PLCE1: variants seen among roughly 807,000 people sequenced by gnomAD.
The protein encoded by PLCE1 is phospholipase C epsilon 1.
Under a neutral mutation model 242.8 loss-of-function variants are expected in PLCE1, and 119 were observed. The observed-to-expected ratio is 0.49, with a 90% CI of 0.42 to 0.57. The LOEUF is 0.57. Among genes scored for constraint, PLCE1 ranks in the 20% least tolerant of loss-of-function variants. The pLI, the probability that PLCE1 is intolerant of heterozygous loss-of-function variation, is 0.00. For missense variants in PLCE1, 2,441 were observed against 2,788.8 expected (o/e 0.88, Z 2.81); for synonymous variants, 945 against 1,017.4 (o/e 0.93, Z 1.35).
chr10:94,014,717 G>A (rs2061244774), intron 1 of PLCE1, among the ~76,000 whole-genome samples: 3 of 152,226 alleles, frequency 2.0e-5, no homozygotes. Context: ...GCTCTGATGT[G>A]TAGGATCCTC....
At chr10:94,106,758 C>G (rs560285655) in intron 2 of PLCE1, among the ~76,000 whole-genome samples, 1 of 151,944 alleles carries the variant, frequency 6.6e-6, no homozygotes. Context: ...CCTTCTTAAC[C>G]GTTCCAGTCC....
At chr10:94,085,905 T>C (rs1043115662) in intron 2 of PLCE1, among the ~76,000 whole-genome samples, 1 of 152,200 alleles carries the variant, frequency 6.6e-6, no homozygotes, top group African/African-American at 2.4e-5. Context: ...TATGCAGATG[T>C]CTAGATGTGG....
At chr10:94,119,533 A>G (rs2046239395) in intron 2 of PLCE1, among the ~76,000 whole-genome samples, 1 of 152,196 alleles carries the variant, frequency 6.6e-6, no homozygotes, top group Non-Finnish European at 1.5e-5. Flanking sequence ...TATTTTGCAT[A>G]CACTGTTCCC....
rs1386100747 is a variant in PLCE1 at position 94,308,656 on chromosome 10, G to A, written c.5960G>A (p.Arg1987Lys). 1.2e-6 allele frequency: 2 copies of A among 1,612,852 alleles called. No individual in the cohort carries two copies. Among genetic ancestry groups the A allele is most frequent in the Non-Finnish European group, 1.7e-6 (2 of 1,178,960 alleles). The stretch of plus-strand genomic sequence containing the variant: ...TCTAGTTTATTCATTAACAGCAGAA[G>A]GATGGAAGAAAATTCCTCTGGCAAT... ...EISSLFINSRRMEENSSGNTM... is the reference protein window; with the variant it reads ...EISSLFINSRKMEENSSGNTM... Residue 1987 changes from arginine (R) to lysine (K), a missense_variant, in exon 27 of 33, where the codon AGG (arginine) becomes AAG (lysine). Transcript: ENST00000371380.
intron 13 of PLCE1, among the ~76,000 whole-genome samples, chr10:94,260,454 C>T (rs2051257062): frequency 6.6e-6 from 1 of 152,050 alleles, no homozygotes; most frequent in African/African-American, 2.4e-5. Flanking sequence ...AAAAACTTTC[C>T]TCTTTTATGC....
chr10:94,186,687 C>G (rs775555445), intron 4 of PLCE1, among the ~76,000 whole-genome samples: 3 of 152,230 alleles, frequency 2.0e-5, no homozygotes, highest in Non-Finnish European at 4.4e-5. Context: ...ATCTCCTTAA[C>G]TCTACAATCA....
intron 13 of PLCE1, among the ~76,000 whole-genome samples, chr10:94,261,394 T>C (rs2051293052): frequency 6.6e-6 from 1 of 152,224 alleles, no homozygotes; most frequent in South Asian, 2.1e-4. Context: ...TGTTTATCCA[T>C]TCACCTACTG....
rs4918188 is a variant in PLCE1 at position 94,274,009 on chromosome 10, A to C, written c.4665+289A>C. 0.37 allele frequency among the ~76,000 whole-genome samples: 56,571 copies of C among 152,092 alleles called. 11,056 individuals carry two copies. Among genetic ancestry groups the C allele is most frequent in the African/African-American group, 0.5 (20,637 of 41,450 alleles). ...GACTGTTGTGTCTGAAACTGAGCTT[A>C]GGGGGTTGTTCATCCCATAATGGCT... On this transcript the variant is annotated intron_variant, in intron 19 of 32. Transcript: ENST00000371380.
At chr10:94,221,425 A>C (rs2049740127) in intron 4 of PLCE1, among the ~76,000 whole-genome samples, 1 of 152,208 alleles carries the variant, frequency 6.6e-6, no homozygotes, top group Non-Finnish European at 1.5e-5. Flanking sequence ...TGTGCACTAC[A>C]CATAAACTAC....
At chr10:94,012,358 A>G (rs982904079) in intron 1 of PLCE1, among the ~76,000 whole-genome samples, 2 of 151,992 alleles carry the variant, frequency 1.3e-5, no homozygotes, top group African/African-American at 4.8e-5. Flanking sequence ...GGGCAAGTCA[A>G]GCTTGGCTGG....
intron 2 of PLCE1, among the ~76,000 whole-genome samples, chr10:94,126,948 G>A (rs991442434): frequency 1.3e-5 from 2 of 152,198 alleles, no homozygotes; most frequent in Admixed American, 1.3e-4. Flanking sequence ...ACAATGGATA[G>A]TGCAATGGAT....
intron 4 of PLCE1, among the ~76,000 whole-genome samples, chr10:94,199,242 T>C (rs919091808): frequency 2.6e-5 from 4 of 152,252 alleles, no homozygotes; most frequent in African/African-American, 7.2e-5. Flanking sequence ...GTAGGTTTTT[T>C]CTTGGGTAGA....
chr10:94,091,766 T>C (rs1218826274), intron 2 of PLCE1, among the ~76,000 whole-genome samples: 1 of 151,948 alleles, frequency 6.6e-6, no homozygotes, highest in Non-Finnish European at 1.5e-5. Context: ...AGTCAATAGT[T>C]AATGGAAAAT....
chr10:94,088,485 A>T (rs2044931903), intron 2 of PLCE1, among the ~76,000 whole-genome samples: 1 of 152,188 alleles, frequency 6.6e-6, no homozygotes, highest in Non-Finnish European at 1.5e-5. Flanking sequence ...GGACCACAAG[A>T]TCCTAAAGTA....
chr10:94,260,260 G>C (rs572901001), intron 13 of PLCE1, among the ~76,000 whole-genome samples: 15 of 152,086 alleles, frequency 9.9e-5, no homozygotes, highest in Non-Finnish European at 1.8e-4. Flanking sequence ...GGGTACTTCT[G>C]TCTGAATGAT....
chr10:94,078,783 T>C (rs916417211), intron 2 of PLCE1, among the ~76,000 whole-genome samples: 4 of 152,226 alleles, frequency 2.6e-5, no homozygotes, highest in African/African-American at 9.6e-5. Context: ...ATGTGTGGCC[T>C]GCTCATTCTT....
intron 4 of PLCE1, among the ~76,000 whole-genome samples, chr10:94,174,358 A>G (rs1344455846): frequency 6.6e-6 from 1 of 152,252 alleles, no homozygotes; most frequent in Non-Finnish European, 1.5e-5. Flanking sequence ...TGAGAAAAAT[A>G]GAAAATCATC....
intron 2 of PLCE1, chr10:94,107,530 G>A (rs189011995): frequency 6.6e-6 from 1 of 152,186 alleles, no homozygotes. Context: ...TAGGACAAGA[G>A]AAAGGTAGTA....
chr10:94,287,979 A>C (rs1012027662), intron 22 of PLCE1, among the ~76,000 whole-genome samples: 3 of 151,962 alleles, frequency 2.0e-5, no homozygotes, highest in African/African-American at 7.3e-5. Context: ...TCATTGTGAC[A>C]TCTCCTTTCT....
Sources: gnomAD v4.1 joint callset for allele counts (sites outside exome capture counted in the v4.1 genomes callset) on GRCh38, gnomAD v4.1.1 for gene constraint, MANE v1.5 for transcripts, NCBI Gene and HGNC (gene_info 2026-07-23, HGNC 2026-07-21) for gene names.